Variants in TEKT5 observed in about 807,000 individuals in gnomAD.
TEKT5 encodes tektin 5.
In TEKT5, 52 loss-of-function variants were observed where a neutral mutation model predicts 48.7. The observed-to-expected ratio is 1.07, with a 90% confidence interval of 0.86 to 1.35. The LOEUF is 1.35. TEKT5 is among the 40% of genes most tolerant of loss of function. The pLI, the probability that TEKT5 is intolerant of heterozygous loss-of-function variation, is 0.00. For missense variants in TEKT5, 831 were observed against 641.6 expected, an observed-to-expected ratio of 1.30 and a Z score of -3.19; for synonymous variants, 318 against 267.6, an observed-to-expected ratio of 1.19 and a Z score of -1.84.
intron 5 of TEKT5, among the ~76,000 whole-genome samples, chr16:10,646,901 A>G (rs1475897483): frequency 6.6e-6 from 1 of 152,226 alleles, no homozygotes; most frequent in East Asian, 1.9e-4. Context: ...TAAACACTCA[A>G]TGCGGCAACA....
At chr16:10,655,316 C>A (rs1898242863) in intron 5 of TEKT5, among the ~76,000 whole-genome samples, 1 of 152,150 alleles carries the variant, frequency 6.6e-6, no homozygotes. Flanking sequence ...AAAAGTAGGA[C>A]TTCAGAACCC....
At chr16:10,673,367 G>C (rs1051955613) in intron 5 of TEKT5, among the ~76,000 whole-genome samples, 3 of 152,194 alleles carry the variant, frequency 2.0e-5, no homozygotes, top group African/African-American at 7.2e-5. Flanking sequence ...TGCTTTTGCA[G>C]TATAGAGGCA....
intron 5 of TEKT5, among the ~76,000 whole-genome samples, chr16:10,657,348 G>A (rs1326626728): frequency 4.6e-5 from 7 of 151,800 alleles, no homozygotes; most frequent in South Asian, 2.1e-4. Flanking sequence ...GGCTGGTCTC[G>A]AACTCCCGAC....
chr16:10,637,145 C>T (rs1272647453), intron 5 of TEKT5, among the ~76,000 whole-genome samples: 1 of 144,452 alleles, frequency 6.9e-6, no homozygotes, highest in Non-Finnish European at 1.5e-5. Flanking sequence ...CCATGCCTGG[C>T]TAATTTTTTT....
chr16:10,661,260 C>G (rs1898365582), intron 5 of TEKT5, among the ~76,000 whole-genome samples: 1 of 152,112 alleles, frequency 6.6e-6, no homozygotes, highest in Non-Finnish European at 1.5e-5. Context: ...TCACAATCCC[C>G]CAAAGCTGTC....
At chr16:10,644,956 G>T (rs1898048735) in intron 5 of TEKT5, among the ~76,000 whole-genome samples, 1 of 152,178 alleles carries the variant, frequency 6.6e-6, no homozygotes, top group Non-Finnish European at 1.5e-5. Context: ...AATGGGATTA[G>T]TGCCTTTATA....
chr16:10,636,953 A>G (rs1288854013), intron 5 of TEKT5, among the ~76,000 whole-genome samples: 2 of 147,774 alleles, frequency 1.4e-5, no homozygotes, highest in Non-Finnish European at 3.0e-5. Context: ...AGTAGCTGGG[A>G]TTACAGGCAC....
intron 5 of TEKT5, among the ~76,000 whole-genome samples, chr16:10,654,085 CTGT>C (rs1898217538): frequency 6.6e-6 from 1 of 152,036 alleles, no homozygotes; most frequent in Non-Finnish European, 1.5e-5. Flanking sequence ...GGTTCTCACA[CTGT>C]TGTCCAGGAT....
intron 3 of TEKT5, among the ~76,000 whole-genome samples, chr16:10,683,155 G>A (rs1235218755): frequency 6.6e-6 from 1 of 151,886 alleles, no homozygotes; most frequent in African/African-American, 2.4e-5. Context: ...GTCTGAGCTG[G>A]GTTTTCACAA....
In TEKT5 at chr16:10,669,239, C is replaced by T. The variant is rs778893208; in HGVS notation, c.1086+6720G>A. Among the ~76,000 whole-genome samples, 62 of 151,776 alleles carry T rather than the reference C, an allele frequency of 4.1e-4. 1 individual carries two copies. The highest frequency in any genetic ancestry group is 3.2e-3 in the Middle Eastern group (1 of 316). ...TCCTAGCACTTTGGGAGGCTGAGGC[C>T]GGTGGATCACCTGAAGACCAGCCTG... is the stretch of plus-strand genomic sequence containing the variant. On this transcript the variant is annotated intron_variant, in intron 5 of 6. Transcript: ENST00000283025.
At chr16:10,688,449 C>G (rs181945651) in intron 3 of TEKT5, among the ~76,000 whole-genome samples, 66 of 152,362 alleles carry the variant, frequency 4.3e-4, no homozygotes, top group Admixed American at 3.4e-3. Flanking sequence ...CCCCCTGCAT[C>G]CACGCCAACT....
At chr16:10,674,951 A>C (rs1898618481) in intron 5 of TEKT5, among the ~76,000 whole-genome samples, 1 of 151,902 alleles carries the variant, frequency 6.6e-6, no homozygotes, top group Non-Finnish European at 1.5e-5. Context: ...AACCTCCCCA[A>C]GTAGCTGGGA....
At chr16:10,672,462 G>A (rs115847898) in intron 5 of TEKT5, among the ~76,000 whole-genome samples, 3,023 of 152,188 alleles carry the variant, frequency 0.02, 105 homozygotes, top group African/African-American at 0.068. Context: ...GCGTGATGGC[G>A]GGGGGTGTCT....
rs141275094 is a variant in TEKT5 at position 10,682,092 on chromosome 16, T to C, written c.764A>G (p.Asp255Gly). 6,964 of 1,614,188 alleles carry C rather than the reference T, an allele frequency of 4.3e-3. 31 individuals are homozygous for C. The highest frequency in any genetic ancestry group is 6.1e-3 in the Middle Eastern group (37 of 6,062). ...AQHVLERDLE[D>G]KSSAQCIDEK... Reference sequence around the variant, plus strand: ...ATCGATACACTGGGCCGAGCTTTTGTCTTCGAGGTCCCTCTCCAGCACGTG... The same window carrying C: ...ATCGATACACTGGGCCGAGCTTTTGCCTTCGAGGTCCCTCTCCAGCACGTG... The change falls in exon 4 of 7, where the codon GAC becomes GGC. Residue 255 changes from aspartate (D) to glycine (G), a missense_variant. Coordinates refer to ENST00000283025, the MANE Select transcript of TEKT5 (RefSeq NM_144674.2).
intron 5 of TEKT5, among the ~76,000 whole-genome samples, chr16:10,640,169 C>T (rs1897974837): frequency 2.1e-5 from 3 of 143,952 alleles, no homozygotes; most frequent in Admixed American, 2.1e-4. Context: ...CTCCGTGTGA[C>T]AGGGTCTCTG....
chr16:10,674,557 G>A (rs1278582571), intron 5 of TEKT5, among the ~76,000 whole-genome samples: 1 of 134,978 alleles, frequency 7.4e-6, no homozygotes, highest in East Asian at 2.3e-4. Flanking sequence ...GTTCAAGGCT[G>A]CAGTGAGCCG....
intron 5 of TEKT5, 117 bp downstream of exon 5, chr16:10,675,842 G>A (rs570492848): frequency 3.1e-6 from 3 of 974,990 alleles, no homozygotes; most frequent in East Asian, 4.9e-5. Flanking sequence ...CCTTGGGAGA[G>A]AGGGTACTGC....
chr16:10,669,697 C>T (rs1243285768), intron 5 of TEKT5, among the ~76,000 whole-genome samples: 1 of 151,756 alleles, frequency 6.6e-6, no homozygotes, highest in African/African-American at 2.4e-5. Context: ...CACATCCTAC[C>T]CCCAAAAACC....
chr16:10,673,287 C>T (rs1898581017), intron 5 of TEKT5, among the ~76,000 whole-genome samples: 1 of 152,284 alleles, frequency 6.6e-6, no homozygotes, highest in Non-Finnish European at 1.5e-5. Context: ...CCAAATCCAG[C>T]CCACTGCCTA....
Sources: allele counts gnomAD v4.1 joint callset (sites outside exome capture counted in the v4.1 genomes callset), GRCh38; gene constraint gnomAD v4.1.1; transcripts MANE v1.5; gene names NCBI Gene and HGNC (gene_info 2026-07-23, HGNC 2026-07-21).